Variants in NUDT16 observed in about 807,000 individuals in gnomAD.
NUDT16 encodes U8 snoRNA-decapping enzyme.
Under a neutral mutation model 11.7 loss-of-function variants are expected in NUDT16, and 12 were observed. That is an observed-to-expected ratio of 1.03 (90% confidence interval 0.66 to 1.67). The LOEUF is 1.67. Ranked by LOEUF, NUDT16 falls within the 40% of genes most tolerant of loss-of-function variation. The pLI is 0.00. For missense variants in NUDT16, 303 were observed against 268.9 expected, an observed-to-expected ratio of 1.13 and a Z score of -0.89; for synonymous variants, 129 against 122.6, an observed-to-expected ratio of 1.05 and a Z score of -0.35.
chr3:131,382,469 T>C (rs1427509329), intron 2 of NUDT16, 154 bp downstream of exon 2: 1 of 1,536,720 alleles, frequency 6.5e-7, no homozygotes. Context: ...TGATCATCTA[T>C]ACTCTGAATT....
chr3:131,388,716 T>C lies in NUDT16; in HGVS notation c.*5375T>C, dbSNP rs2097461496. Reference sequence around the variant, plus strand: ...CTCCTATTATGTACAATTTTAGTGCTAAGTACTGTGTTAATGATGGCTATC... The same window carrying C: ...CTCCTATTATGTACAATTTTAGTGCCAAGTACTGTGTTAATGATGGCTATC... On this transcript the variant is annotated 3_prime_UTR_variant, in exon 3 of 3. Transcript: ENST00000521288. 1 of 152,214 alleles carries C rather than the reference T, an allele frequency of 6.6e-6. No homozygotes were observed. Among genetic ancestry groups the C allele is most frequent in the African/African-American group, 2.4e-5 (1 of 41,444 alleles). 9.4% of individuals were successfully genotyped at this position (152,214 alleles called of 1,614,324 possible).
In NUDT16 at chr3:131,381,877, G is replaced by A. The variant is rs1276986201; in HGVS notation, c.73G>A (p.Ala25Thr). 2.5e-6 allele frequency: 4 copies of A among 1,608,132 alleles called. No individual in the cohort carries two copies. The highest frequency in any genetic ancestry group is 3.4e-6 in the Non-Finnish European group (4 of 1,179,562). ...LGSGWRHACH[A>T]LLYAPDPGML... ...GTCGGGCTGGCGTCATGCGTGCCAC[G>A]CTCTCCTCTACGCGCCGGACCCTGG... Residue 25 changes from alanine (A) to threonine (T), a missense_variant, in exon 1 of 3, where the codon GCT (alanine) becomes ACT (threonine). Coordinates refer to ENST00000521288, the MANE Select transcript of NUDT16 (RefSeq NM_152395.3).
chr3:131,385,501 G>A lies in NUDT16; in HGVS notation c.*2160G>A, dbSNP rs1167266676. On this transcript the variant is annotated 3_prime_UTR_variant, in exon 3 of 3. Coordinates refer to ENST00000521288, the MANE Select transcript of NUDT16 (RefSeq NM_152395.3). The stretch of plus-strand genomic sequence containing the variant: ...CCAGTGGCACCTGCCAGAGGGGAAA[G>A]CAGGCATGACAGGATAGCATCTCCC... The A allele has an allele frequency of 6.6e-6, 1 of 152,642 alleles. No individual in the cohort carries two copies. The highest frequency in any genetic ancestry group is 1.5e-5 in the Non-Finnish European group (1 of 68,320). 9.5% of individuals were successfully genotyped at this position (152,642 alleles called of 1,614,324 possible). A position where few individuals can be genotyped will look rare whatever the true frequency, so the allele number is the denominator to read the frequency against.
chr3:131,383,597 AGCC>A lies in NUDT16; in HGVS notation c.*257_*259del. ...GCCTCCTCCCTGTTTATATGCGTAC[AGCC>A]TGGTAACCCCCAGGCATGCAAATAT... On this transcript the variant is annotated 3_prime_UTR_variant, in exon 3 of 3. Transcript: ENST00000521288. The surrounding 1 kb of genome is among the most constrained non-coding windows in gnomAD (Gnocchi z 4.4). The A allele has an allele frequency of 1.5e-6, 1 of 665,732 alleles. No individual in the cohort carries two copies. The highest frequency in any genetic ancestry group is 1.9e-5 in the South Asian group (1 of 51,378). 41.2% of individuals were successfully genotyped at this position (665,732 alleles called of 1,614,324 possible).
rs1331625364 is a variant in NUDT16, at chr3:131,388,061, G to C, written c.*4720G>C. ...TGAGGTGAGAGAAAAGATAAGACATGCAGGAACAGCTGGCAACACCAAGAA... is the reference window on the plus strand; with the variant it reads ...TGAGGTGAGAGAAAAGATAAGACATCCAGGAACAGCTGGCAACACCAAGAA... On this transcript the variant is annotated 3_prime_UTR_variant, in exon 3 of 3. Transcript: ENST00000521288. 1 of 152,170 alleles carries C rather than the reference G, an allele frequency of 6.6e-6. No homozygotes were observed. The highest frequency in any genetic ancestry group is 1.5e-5 in the Non-Finnish European group (1 of 68,072). The allele number at this position is 152,170 out of a possible 1,614,324, so 9.4% of individuals were successfully genotyped here. A position where few individuals can be genotyped will look rare whatever the true frequency, so the allele number is the denominator to read the frequency against.
Position 131,382,130 on chromosome 3 carries a change from C to A in NUDT16, c.223C>A (p.Arg75Ser). 3.1e-6 allele frequency: 5 copies of A among 1,611,360 alleles called. No homozygotes were observed. In the East Asian group the frequency reaches 1.1e-4, roughly 36 times the overall value. Residue 75 changes from arginine to serine, a missense_variant, in exon 2 of 3, where the codon CGC (arginine) becomes AGC (serine). Physicochemically the swap from Arg to Ser is moderately radical, Grantham distance 110 (BLOSUM62 -1). Coordinates refer to ENST00000521288, the MANE Select transcript of NUDT16 (RefSeq NM_152395.3). Reference sequence around the variant, plus strand: ...CAGAAGCCTAGAGGACGGGCTGAACCGCGAGCTGCGCGAGGAGCTGGGCGA... The same window carrying A: ...CAGAAGCCTAGAGGACGGGCTGAACAGCGAGCTGCGCGAGGAGCTGGGCGA... ...QDRSLEDGLN[R>S]ELREELGEAA...
At position 131,382,182 on chromosome 3, in the gene NUDT16, G is replaced by A. The variant is rs1157014404; in HGVS notation, c.275G>A (p.Arg92His). The A allele has an allele frequency of 1.2e-6, 2 of 1,612,212 alleles. No individual in the cohort carries two copies. Among genetic ancestry groups the A allele is most frequent in the Non-Finnish European group, 1.7e-6 (2 of 1,179,474 alleles). The change falls in exon 2 of 3, where the codon CGC becomes CAC. Residue 92 changes from arginine (R) to histidine (H), a missense_variant. By Grantham distance (29) the Arg-to-His change is conservative. Coordinates refer to ENST00000521288, the MANE Select transcript of NUDT16 (RefSeq NM_152395.3). ...GCGGCTGCCGCTTTCCGCGTGGAGC[G>A]CACTGACTACCGCAGCTCCCACGTC... is the stretch of plus-strand genomic sequence containing the variant. ...GEAAAAFRVE[R>H]TDYRSSHVGS... is the part of the protein sequence containing the mutation.
chr3:131,385,587 G>C lies in NUDT16; in HGVS notation c.*2246G>C, dbSNP rs1273593903. On this transcript the variant is annotated 3_prime_UTR_variant, in exon 3 of 3. Coordinates refer to ENST00000521288, the MANE Select transcript of NUDT16 (RefSeq NM_152395.3). ...TGGTCTGGAAGCTTGATGCAGAGCA[G>C]TGTGGGTCCCACTGGCAGCCCTTGG... 1 of 152,440 alleles carries C rather than the reference G, an allele frequency of 6.6e-6. No homozygotes were observed. The highest frequency in any genetic ancestry group is 2.4e-5 in the African/African-American group (1 of 41,472). The allele number at this position is 152,440 out of a possible 1,614,324, so 9.4% of individuals were successfully genotyped here.
rs575123319 is a variant in NUDT16, at chr3:131,384,572, G to A, written c.*1231G>A. The A allele has an allele frequency of 6.6e-6, 1 of 152,416 alleles. No individual in the cohort carries two copies. The highest frequency in any genetic ancestry group is 1.5e-5 in the Non-Finnish European group (1 of 68,090). The allele number at this position is 152,416 out of a possible 1,614,324, so 9.4% of individuals were successfully genotyped here. A position where few individuals can be genotyped will look rare whatever the true frequency, so the allele number is the denominator to read the frequency against. ...AGAGAGATGGGAGGGGCACAAAGAG[G>A]AGGACCCCTGAAGGAGCAGAGTCCA... On this transcript the variant is annotated 3_prime_UTR_variant, in exon 3 of 3. Coordinates refer to ENST00000521288, the MANE Select transcript of NUDT16 (RefSeq NM_152395.3).
rs752447708 is a variant in NUDT16 at position 131,381,840 on chromosome 3, C to G, written c.36C>G (p.Ala12=). 3.1e-6 allele frequency: 5 copies of G among 1,591,574 alleles called. No individual in the cohort carries two copies. The Admixed American group carries it at 8.6e-5, about 27-fold the overall frequency. The change falls in exon 1 of 3, where the codon GCC becomes GCG. Residue 12 remains alanine (A), a synonymous_variant. Transcript: ENST00000521288. The part of the protein sequence containing the change: ...AGARRLELGE[A]LALGSGWRHA... ...CCCGCAGGCTGGAGCTAGGCGAGGC[C>G]CTGGCGCTGGGGTCGGGCTGGCGTC...
rs1279021171 is a variant in NUDT16, at chr3:131,387,956, G to A, written c.*4615G>A. On this transcript the variant is annotated 3_prime_UTR_variant, in exon 3 of 3. Coordinates refer to ENST00000521288, the MANE Select transcript of NUDT16 (RefSeq NM_152395.3). ...GTGAGCACCAGATGCACGTGATAAAGACCATGCTCTGGAAGATTCATTCCA... is the reference window on the plus strand; with the variant it reads ...GTGAGCACCAGATGCACGTGATAAAAACCATGCTCTGGAAGATTCATTCCA... 1 of 152,202 alleles carries A rather than the reference G, an allele frequency of 6.6e-6. No homozygotes were observed. The highest frequency in any genetic ancestry group is 6.5e-5 in the Admixed American group (1 of 15,282). 9.4% of individuals were successfully genotyped at this position (152,202 alleles called of 1,614,324 possible).
At position 131,388,183 on chromosome 3, in the gene NUDT16, G is replaced by A. The variant is rs1175518359; in HGVS notation, c.*4842G>A. The A allele has an allele frequency of 6.6e-6, 1 of 152,146 alleles. No individual in the cohort carries two copies. The highest frequency in any genetic ancestry group is 1.5e-5 in the Non-Finnish European group (1 of 68,064). The allele number at this position is 152,146 out of a possible 1,614,324, so 9.4% of individuals were successfully genotyped here. On this transcript the variant is annotated 3_prime_UTR_variant, in exon 3 of 3. Coordinates refer to ENST00000521288, the MANE Select transcript of NUDT16 (RefSeq NM_152395.3). ...CCCCAGGAAAATCTACCTCTGATAT[G>A]GAGACCAGGCTTAAGAAAATCCCCT...
rs16836559 is a variant in NUDT16 at position 131,382,494 on chromosome 3, G to A, written c.408+179G>A. The A allele has an allele frequency of 7.6e-3, 11,726 of 1,536,168 alleles. 722 individuals are homozygous for A. The African/African-American group carries it at 0.14, about 18-fold the overall frequency. On this transcript the variant is annotated intron_variant, in intron 2 of 2. Coordinates refer to ENST00000521288, the MANE Select transcript of NUDT16 (RefSeq NM_152395.3). ...TACTCTGAATTAGTACTGCCAACCT[G>A]GGCTTTCTGTAAAGGTCTTTCCCAC...
chr3:131,386,718 T>C lies in NUDT16; in HGVS notation c.*3377T>C, dbSNP rs2110662454. The C allele has an allele frequency of 6.6e-6, 1 of 152,346 alleles. No individual in the cohort carries two copies. Among genetic ancestry groups the C allele is most frequent in the South Asian group, 2.1e-4 (1 of 4,828 alleles). 9.4% of individuals were successfully genotyped at this position (152,346 alleles called of 1,614,324 possible). On this transcript the variant is annotated 3_prime_UTR_variant, in exon 3 of 3. Coordinates refer to ENST00000521288, the MANE Select transcript of NUDT16 (RefSeq NM_152395.3). ...TCTCAGCATTGCACTTTTCTGCTGG[T>C]GCAGAATAAAAACACTTTGAGCCCC... is the stretch of plus-strand genomic sequence containing the variant.
intron 2 of NUDT16, chr3:131,382,534 G>T (rs1422741089): frequency 6.5e-7 from 1 of 1,536,062 alleles, no homozygotes; most frequent in South Asian, 1.2e-5. Flanking sequence ...TACCAGGAGA[G>T]ATCCTTTCTA....
In NUDT16 at chr3:131,383,868, G is replaced by A. The variant is rs1444222628; in HGVS notation, c.*527G>A. ...AATAGACTTGCTCTTGTCTTGAGTGGTGACCAAAGCAGTTGGCTCTTAAAA... is the reference window on the plus strand; with the variant it reads ...AATAGACTTGCTCTTGTCTTGAGTGATGACCAAAGCAGTTGGCTCTTAAAA... On this transcript the variant is annotated 3_prime_UTR_variant, in exon 3 of 3. Coordinates refer to ENST00000521288, the MANE Select transcript of NUDT16 (RefSeq NM_152395.3). The surrounding 1 kb of genome is among the most constrained non-coding windows in gnomAD (Gnocchi z 4.4). 1 of 186,382 alleles carries A rather than the reference G, an allele frequency of 5.4e-6. No homozygotes were observed. Among genetic ancestry groups the A allele is most frequent in the Admixed American group, 5.5e-5 (1 of 18,076 alleles). The allele number at this position is 186,382 out of a possible 1,614,324, so 11.5% of individuals were successfully genotyped here. A position where few individuals can be genotyped will look rare whatever the true frequency, so the allele number is the denominator to read the frequency against.
Position 131,387,786 on chromosome 3 carries a change from G to A in NUDT16, c.*4445G>A, listed in dbSNP as rs1331946200. ...ATCCTATTATCCAGCACTAGTCCTA[G>A]GTTGTGGATGTAGGGAAAGGCCAGG... On this transcript the variant is annotated 3_prime_UTR_variant, in exon 3 of 3. Coordinates refer to ENST00000521288, the MANE Select transcript of NUDT16 (RefSeq NM_152395.3). 6.6e-6 allele frequency: 1 copy of A among 152,270 alleles called. No individual in the cohort carries two copies. The highest frequency in any genetic ancestry group is 1.5e-5 in the Non-Finnish European group (1 of 68,082). 9.4% of individuals were successfully genotyped at this position (152,270 alleles called of 1,614,324 possible).
rs1366537217 is a variant in NUDT16 at position 131,384,156 on chromosome 3, C to G, written c.*815C>G. On this transcript the variant is annotated 3_prime_UTR_variant, in exon 3 of 3. Transcript: ENST00000521288. ...AAAAACATAGACTGGAGGAGGTAATCCATGGAGAGAGAAAAAGAAGAGGGC... is the reference window on the plus strand; with the variant it reads ...AAAAACATAGACTGGAGGAGGTAATGCATGGAGAGAGAAAAAGAAGAGGGC... 1.3e-5 allele frequency: 2 copies of G among 152,128 alleles called. No homozygotes were observed. The highest frequency in any genetic ancestry group is 2.9e-5 in the Non-Finnish European group (2 of 68,096). 9.4% of individuals were successfully genotyped at this position (152,128 alleles called of 1,614,324 possible). A position where few individuals can be genotyped will look rare whatever the true frequency, so the allele number is the denominator to read the frequency against.
chr3:131,382,729 G>A (rs537361028), intron 2 of NUDT16: 6 of 1,390,350 alleles, frequency 4.3e-6, no homozygotes, highest in Non-Finnish European at 5.6e-6. Flanking sequence ...TCAAAATTTG[G>A]CAGGTAGCAG....
Sources: allele counts gnomAD v4.1 joint callset, GRCh38; gene constraint gnomAD v4.1.1; non-coding constraint Gnocchi (gnomAD v3.1); transcripts MANE v1.5; gene names NCBI Gene and HGNC (gene_info 2026-07-23, HGNC 2026-07-21).